The following ANKRD11 variants were observed in gnomAD, a reference collection of about 807,000 sequenced individuals.
ANKRD11 encodes the protein ankyrin repeat domain-containing protein 11.
Under a neutral mutation model 195.7 loss-of-function variants are expected in ANKRD11, and 17 were observed. The observed-to-expected ratio is 0.09, with a 90% confidence interval of 0.06 to 0.13. ANKRD11 has a LOEUF of 0.13. Among genes scored for constraint, ANKRD11 ranks in the 10% least tolerant of loss-of-function variants. The probability of loss-of-function intolerance (pLI) is 1.00; values close to 1 mark genes in which losing one functional copy is unlikely to be tolerated. For missense variants in ANKRD11, 3,735 were observed against 3,566.1 expected, an observed-to-expected ratio of 1.05 and a Z score of -1.21; for synonymous variants, 1,953 against 1,528.1, an observed-to-expected ratio of 1.28 and a Z score of -6.49.
chr16:89,278,226 G>A, intron 9 of ANKRD11: 1 of 342,922 alleles, frequency 2.9e-6, no homozygotes, highest in East Asian at 8.1e-5. Flanking sequence ...GCCGTGCACA[G>A]CTCAGGCCGT....
intron 1 of ANKRD11, among the ~76,000 whole-genome samples, chr16:89,433,619 G>C (rs893281998): frequency 6.6e-6 from 1 of 152,094 alleles, no homozygotes; most frequent in Non-Finnish European, 1.5e-5. Flanking sequence ...GAGAAGGAAC[G>C]GGCTTGGACG....
rs1257714722 is a variant in ANKRD11 at position 89,384,874 on chromosome 16, G to GTTTTTTTTTTTTTTT, written c.-60+33409_-60+33410insAAAAAAAAAAAAAAA. 1.1e-4 allele frequency among the ~76,000 whole-genome samples: 8 copies of GTTTTTTTTTTTTTTT among 72,746 alleles called. 2 individuals carry two copies. Among genetic ancestry groups the GTTTTTTTTTTTTTTT allele is most frequent in the African/African-American group, 2.8e-4 (5 of 17,762 alleles). 47.7% of individuals were successfully genotyped at this position (72,746 alleles called of 152,430 possible). ...GTGTGGGAGCACACAATGAGAAATA[G>GTTTTTTTTTTTTTTT]TTTTCTTTTTTTTTTTTTTTTTTTT... On this transcript the variant is annotated intron_variant, in intron 2 of 12. Coordinates refer to ENST00000301030, the MANE Select transcript of ANKRD11 (RefSeq NM_013275.6).
In ANKRD11 at chr16:89,284,046, G is replaced by A. The variant is rs928913236; in HGVS notation, c.2496C>T (p.Ser832=). 6.2e-7 allele frequency: 1 copy of A among 1,614,086 alleles called. No individual in the cohort carries two copies. The part of the protein sequence containing the change: ...QFLENEDTKF[S]LSDDQRDRWF... ...ACCGATCTCGCTGATCGTCAGAAAG[G>A]CTAAATTTGGTGTCTTCATTCTCCA... Residue 832 remains serine, a synonymous_variant, in exon 9 of 13, where the codon AGC becomes AGT. Coordinates refer to ENST00000301030, the MANE Select transcript of ANKRD11 (RefSeq NM_013275.6).
intron 3 of ANKRD11, among the ~76,000 whole-genome samples, chr16:89,306,215 T>C (rs1176910777): frequency 1.4e-3 from 90 of 63,534 alleles, no homozygotes; most frequent in East Asian, 2.7e-3. Context: ...ACGCGCCACC[T>C]ACCTCCCACT....
intron 3 of ANKRD11, among the ~76,000 whole-genome samples, chr16:89,308,723 A>G (rs1442808023): frequency 6.6e-6 from 1 of 152,226 alleles, no homozygotes; most frequent in Non-Finnish European, 1.5e-5. Flanking sequence ...AAAAAAAATG[A>G]CACAACTAAA....
At chr16:89,358,296 C>T (rs1049718103) in intron 2 of ANKRD11, among the ~76,000 whole-genome samples, 9 of 152,248 alleles carry the variant, frequency 5.9e-5, no homozygotes, top group African/African-American at 2.2e-4. Context: ...TGTTCCTTCC[C>T]TTCTGTTGGC....
intron 2 of ANKRD11, among the ~76,000 whole-genome samples, chr16:89,375,866 C>T (rs145469865): frequency 2.0e-5 from 3 of 151,180 alleles, no homozygotes; most frequent in Non-Finnish European, 2.9e-5. Flanking sequence ...CAGACCCACA[C>T]AAAGTGCCAC....
At chr16:89,470,635 G>A (rs1567850761) in intron 1 of ANKRD11, among the ~76,000 whole-genome samples, 1 of 151,988 alleles carries the variant, frequency 6.6e-6, no homozygotes, top group Non-Finnish European at 1.5e-5. Flanking sequence ...CACAAGGTCA[G>A]GAGATCGAGA....
In ANKRD11 at chr16:89,313,299, C is replaced by T. The variant is rs766003676; in HGVS notation, c.87+3634G>A. On this transcript the variant is annotated intron_variant, in intron 3 of 12. Transcript: ENST00000301030. ...CCCATGGGGTGGGGACGACACTGTT[C>T]TCTGTAGCCCTGCACACCTTTGGAT... The T allele has an allele frequency of 6.2e-6, 8 of 1,285,316 alleles. No individual in the cohort carries two copies. The South Asian group carries it at 8.7e-5, about 14-fold the overall frequency. The allele number at this position is 1,285,316 out of a possible 1,614,324, so 79.6% of individuals were successfully genotyped here.
At chr16:89,402,872 A>C (rs1389727446) in intron 2 of ANKRD11, among the ~76,000 whole-genome samples, 1 of 151,650 alleles carries the variant, frequency 6.6e-6, no homozygotes, top group Non-Finnish European at 1.5e-5. Flanking sequence ...CAGACCCTCC[A>C]GGCTCTCCCG....
chr16:89,361,338 T>A (rs949071475), intron 2 of ANKRD11, among the ~76,000 whole-genome samples: 2 of 151,410 alleles, frequency 1.3e-5, no homozygotes, highest in Non-Finnish European at 2.9e-5. Flanking sequence ...GGGCGGGGGG[T>A]GCTGCAGGGA....
intron 2 of ANKRD11, among the ~76,000 whole-genome samples, chr16:89,336,933 G>C (rs2038386417): frequency 6.7e-6 from 1 of 149,866 alleles, no homozygotes; most frequent in African/African-American, 2.5e-5. Context: ...ACTTTAGGAG[G>C]CCGAGACAGG....
At chr16:89,399,895 A>G (rs569654777) in intron 2 of ANKRD11, among the ~76,000 whole-genome samples, 10 of 152,310 alleles carry the variant, frequency 6.6e-5, no homozygotes, top group African/African-American at 2.4e-4. Context: ...ATCGGCTCCC[A>G]GAGCACAGGA....
At chr16:89,425,593 C>T (rs1031631345) in intron 1 of ANKRD11, among the ~76,000 whole-genome samples, 1 of 152,204 alleles carries the variant, frequency 6.6e-6, no homozygotes, top group Non-Finnish European at 1.5e-5. Context: ...CTCCTGACCT[C>T]GGTCGGTCTC....
intron 2 of ANKRD11, among the ~76,000 whole-genome samples, chr16:89,382,168 T>C (rs1274603583): frequency 6.6e-6 from 1 of 151,824 alleles, no homozygotes; most frequent in African/African-American, 2.4e-5. Context: ...CCCACCCATC[T>C]CCTCTTTCCC....
intron 9 of ANKRD11, chr16:89,278,311 TAGG>T: frequency 2.9e-6 from 1 of 345,810 alleles, no homozygotes; most frequent in South Asian, 2.1e-5. Context: ...CCCCAGTGGG[TAGG>T]AGGAGGTGGG....
chr16:89,411,802 T>TG (rs1244213622), intron 2 of ANKRD11, among the ~76,000 whole-genome samples: 1 of 151,928 alleles, frequency 6.6e-6, no homozygotes, highest in East Asian at 1.9e-4. Flanking sequence ...TATTCTAGAG[T>TG]GGGGAAAAAA....
chr16:89,460,670 G>T (rs969914831), intron 1 of ANKRD11, among the ~76,000 whole-genome samples: 1 of 152,152 alleles, frequency 6.6e-6, no homozygotes, highest in African/African-American at 2.4e-5. Flanking sequence ...CCAGGAGGTC[G>T]AGGCTATAGT....
At chr16:89,418,141 T>C (rs1429622139) in intron 2 of ANKRD11, 143 bp downstream of exon 2, 1 of 392,626 alleles carries the variant, frequency 2.5e-6, no homozygotes, top group Non-Finnish European at 5.3e-6. Flanking sequence ...CTAAGTGAAA[T>C]CCAGAACAAA....
Sources: gnomAD v4.1 joint callset for allele counts (sites outside exome capture counted in the v4.1 genomes callset) on GRCh38, gnomAD v4.1.1 for gene constraint, MANE v1.5 for transcripts, NCBI Gene and HGNC (gene_info 2026-07-23, HGNC 2026-07-21) for gene names.